Variants in UTP18 observed in about 807,000 individuals in gnomAD.
The protein encoded by UTP18 is UTP18 small subunit processome component.
A neutral mutation model predicts 61.1 loss-of-function variants in UTP18; 36 were observed. The observed-to-expected ratio is 0.59, with a 90% CI of 0.45 to 0.78. The LOEUF (loss-of-function observed/expected upper bound fraction) is 0.78, where lower values mean the gene tolerates loss of function less well. Ranked by LOEUF, UTP18 falls within the 30% of genes least tolerant of loss-of-function variation. The probability of loss-of-function intolerance (pLI) is 0.00; values close to 1 mark genes in which losing one functional copy is unlikely to be tolerated. For synonymous variants in UTP18, 282 were observed against 251.1 expected (o/e 1.12, Z -1.16); for missense variants, 753 against 693.9 (o/e 1.09, Z -0.96).
chr17:51,277,338 T>C (rs1237592713), intron 7 of UTP18, 34 bp downstream of exon 7: 2 of 1,608,624 alleles, frequency 1.2e-6, no homozygotes, highest in Non-Finnish European at 1.7e-6. Flanking sequence ...CAACCAGTCA[T>C]TCCCCCCAAG....
intron 9 of UTP18, among the ~76,000 whole-genome samples, chr17:51,284,103 C>G: frequency 6.6e-6 from 1 of 152,130 alleles, no homozygotes; most frequent in East Asian, 1.9e-4. Context: ...ATATTTGATC[C>G]TATTCAGTTT....
intron 4 of UTP18, 106 bp from the exon 5 acceptor site, chr17:51,273,256 C>T (rs74332677): frequency 0.049 from 33,647 of 680,112 alleles, 962 homozygotes; most frequent in Non-Finnish European, 0.059. Context: ...GGTAGGGAGG[C>T]TGGAAAGGGA....
chr17:51,271,203 T>G (rs10514982), intron 4 of UTP18, among the ~76,000 whole-genome samples: 23,687 of 152,224 alleles, frequency 0.16, 3,157 homozygotes, highest in African/African-American at 0.36. Flanking sequence ...TGATGTCTTC[T>G]GTAAGTTTTG....
At chr17:51,291,738 CAAA>C (rs373296052) in intron 11 of UTP18, among the ~76,000 whole-genome samples, 2 of 97,042 alleles carry the variant, frequency 2.1e-5, no homozygotes, top group Non-Finnish European at 2.4e-5. Flanking sequence ...GACTTGATCT[CAAA>C]AAAAAAAAAA....
At chr17:51,261,095 C>T (rs927922924) in intron 1 of UTP18, among the ~76,000 whole-genome samples, 169 bp downstream of exon 1, 1 of 152,238 alleles carries the variant, frequency 6.6e-6, no homozygotes, top group African/African-American at 2.4e-5. Flanking sequence ...TCCCTCGCCT[C>T]CCTGCTCCAG....
chr17:51,293,686 A>G (rs1209843714), intron 11 of UTP18, among the ~76,000 whole-genome samples: 1 of 152,182 alleles, frequency 6.6e-6, no homozygotes, highest in Admixed American at 6.5e-5. Flanking sequence ...TTCATGTAGC[A>G]AAACTGCAGC....
At chr17:51,261,763 A>T (rs2055492467) in intron 1 of UTP18, among the ~76,000 whole-genome samples, 1 of 152,086 alleles carries the variant, frequency 6.6e-6, no homozygotes, top group Non-Finnish European at 1.5e-5. Context: ...AAGGGGGCAG[A>T]GGAAAGCTCA....
intron 1 of UTP18, among the ~76,000 whole-genome samples, chr17:51,261,658 A>C (rs1035506289): frequency 6.6e-6 from 1 of 152,214 alleles, no homozygotes; most frequent in African/African-American, 2.4e-5. Context: ...ATAAACGAGT[A>C]AACTTCAGGT....
intron 2 of UTP18, 114 bp downstream of exon 2, chr17:51,263,500 T>A: frequency 1.2e-6 from 1 of 822,250 alleles, no homozygotes. Flanking sequence ...TTGAAAAATA[T>A]TTGAAAGTAT....
intron 13 of UTP18, 103 bp from the exon 14 acceptor site, chr17:51,297,679 G>T: frequency 2.4e-6 from 1 of 410,748 alleles, no homozygotes; most frequent in Non-Finnish European, 4.7e-6. Flanking sequence ...GGAGGGGAAA[G>T]CAGTTTAGCT....
intron 9 of UTP18, among the ~76,000 whole-genome samples, chr17:51,284,534 C>T (rs1212521637): frequency 6.6e-6 from 1 of 152,110 alleles, no homozygotes; most frequent in African/African-American, 2.4e-5. Context: ...CTAACCTTGC[C>T]TATTAGGTAG....
chr17:51,261,829 CT>C (rs2055494973), intron 1 of UTP18, among the ~76,000 whole-genome samples: 1 of 151,974 alleles, frequency 6.6e-6, no homozygotes, highest in Admixed American at 6.6e-5. Flanking sequence ...TTAATGTCAG[CT>C]GCTTACCAGA....
Position 51,260,602 on chromosome 17 carries a change from G to C in UTP18, c.18G>C (p.Arg6Ser). The C allele has an allele frequency of 6.2e-7, 1 of 1,612,594 alleles. No homozygotes were observed. Residue 6 changes from arginine to serine, a missense_variant, in exon 1 of 14, where the codon AGG (arginine) becomes AGC (serine). Coordinates refer to ENST00000225298, the MANE Select transcript of UTP18 (RefSeq NM_016001.3). Reference sequence around the variant, plus strand: ...ACCTAACGATGCCGCCGGAGCGGAGGAGACGAATGAAACTGGACCGGAGAA... The same window carrying C: ...ACCTAACGATGCCGCCGGAGCGGAGCAGACGAATGAAACTGGACCGGAGAA... MPPER[R>S]RRMKLDRRTG...
chr17:51,283,304 G>T (rs1225307192), intron 9 of UTP18, among the ~76,000 whole-genome samples: 1 of 151,670 alleles, frequency 6.6e-6, no homozygotes, highest in Admixed American at 6.6e-5. Flanking sequence ...GGGTAGCTGG[G>T]ATTACAGGCA....
At position 51,273,339 on chromosome 17, in the gene UTP18, C is replaced by T. The variant is rs116676531; in HGVS notation, c.623-23C>T. On this transcript the variant is annotated intron_variant, in intron 4 of 13. Coordinates refer to ENST00000225298, the MANE Select transcript of UTP18 (RefSeq NM_016001.3). ...GCAGCTCATTGATTCTAAAGATCAG[C>T]CTTCTGGGTTTGTTTGACTTAGATG... 1,414 of 1,582,482 alleles carry T rather than the reference C, an allele frequency of 8.9e-4. 3 individuals are homozygous for T. The highest frequency in any genetic ancestry group is 8.9e-4 in the South Asian group (78 of 87,476).
intron 1 of UTP18, among the ~76,000 whole-genome samples, chr17:51,262,431 T>C (rs1293604695): frequency 2.0e-5 from 3 of 152,102 alleles, no homozygotes; most frequent in Non-Finnish European, 4.4e-5. Context: ...ATTTATAACT[T>C]TAGAATTTAG....
At chr17:51,286,596 C>T (rs1399291035) in intron 10 of UTP18, 1 of 456,120 alleles carries the variant, frequency 2.2e-6, no homozygotes, top group Admixed American at 2.3e-5. Flanking sequence ...AGGCCATCTG[C>T]CTTAGGCAGT....
chr17:51,284,761 A>T (rs572992746), intron 9 of UTP18, among the ~76,000 whole-genome samples: 2 of 152,194 alleles, frequency 1.3e-5, no homozygotes, highest in Non-Finnish European at 2.9e-5. Context: ...ATGTGAATGT[A>T]TACAAGAAAT....
At position 51,273,492 on chromosome 17, in the gene UTP18, C is replaced by T. The variant is rs758645398; in HGVS notation, c.711+42C>T. 1.7e-5 allele frequency: 24 copies of T among 1,452,392 alleles called. No homozygotes were observed. In the East Asian group the frequency reaches 5.4e-4, roughly 33 times the overall value. 90.0% of individuals were successfully genotyped at this position (1,452,392 alleles called of 1,614,324 possible). ...TTGGGGGATCCTATCTAACTACTTA[C>T]CTCTGCAGTTTAATTTGCTTCCCAG... On this transcript the variant is annotated intron_variant, in intron 5 of 13. Coordinates refer to ENST00000225298, the MANE Select transcript of UTP18 (RefSeq NM_016001.3).
Sources: allele counts gnomAD v4.1 joint callset (sites outside exome capture counted in the v4.1 genomes callset), GRCh38; gene constraint gnomAD v4.1.1; transcripts MANE v1.5; gene names NCBI Gene and HGNC (gene_info 2026-07-23, HGNC 2026-07-21).